KCNIP1: variants seen among roughly 807,000 people sequenced by gnomAD.
The protein encoded by KCNIP1 is potassium voltage-gated channel interacting protein 1.
KCNIP1 carries 18 observed loss-of-function variants against 33.0 expected under a neutral mutation model. The observed-to-expected ratio is 0.55, with a 90% CI of 0.38 to 0.81. KCNIP1 has a LOEUF of 0.81. KCNIP1 is among the 30% of genes least tolerant of loss of function. The probability of loss-of-function intolerance (pLI) is 0.00; values close to 1 mark genes in which losing one functional copy is unlikely to be tolerated. For synonymous variants in KCNIP1, 93 were observed against 98.3 expected, an observed-to-expected ratio of 0.95 and a Z score of 0.32; for missense variants, 238 against 271.6, an observed-to-expected ratio of 0.88 and a Z score of 0.87.
At chr5:170,609,828 G>C (rs776074985) in intron 1 of KCNIP1, among the ~76,000 whole-genome samples, 1 of 152,282 alleles carries the variant, frequency 6.6e-6, no homozygotes, top group South Asian at 2.1e-4. Context: ...CTGCACTCCA[G>C]CCTGGATGAC....
At chr5:170,430,612 CTG>C (rs1561622174) in intron 1 of KCNIP1, among the ~76,000 whole-genome samples, 1 of 152,188 alleles carries the variant, frequency 6.6e-6, no homozygotes, top group Non-Finnish European at 1.5e-5. Context: ...AAACGTTCAT[CTG>C]TCCTCAAGGA....
rs533272981 is a variant in KCNIP1, at chr5:170,443,611, T to A, written c.88+89647T>A. Among the ~76,000 whole-genome samples the A allele has an allele frequency of 4.6e-5, 7 of 152,326 alleles. No individual in the cohort carries two copies. In the East Asian group the frequency reaches 1.4e-3, roughly 29 times the overall value. On this transcript the variant is annotated intron_variant, in intron 1 of 7. Transcript: ENST00000377360. ...AGCATAACTACATCAGAAAACTTGT[T>A]GTAATAGATTGAGTTCCTGCCACCA...
At chr5:170,687,185 A>AT (rs540360161) in intron 1 of KCNIP1, among the ~76,000 whole-genome samples, 24,183 of 145,780 alleles carry the variant, frequency 0.17, 2,990 homozygotes, top group African/African-American at 0.35. Context: ...ACCTGAGTAA[A>AT]TTTTTTTTTT....
intron 1 of KCNIP1, among the ~76,000 whole-genome samples, chr5:170,546,955 G>T (rs1274100695): frequency 6.6e-6 from 1 of 152,004 alleles, no homozygotes; most frequent in East Asian, 1.9e-4. Context: ...TCCTCTGTGA[G>T]GACCTGTTTT....
rs17649344 is a variant in KCNIP1, at chr5:170,421,056, T to A, written c.88+67092T>A. On this transcript the variant is annotated intron_variant, in intron 1 of 7. Transcript: ENST00000377360. ...TGAAAAACCACCTCGAAGGAAAGTA[T>A]CAGCATCAGGGACAATAGCACAGTG... Among the ~76,000 whole-genome samples the A allele has an allele frequency of 3.5e-3, 540 of 152,152 alleles. 2 individuals carry two copies. Among genetic ancestry groups the A allele is most frequent in the Non-Finnish European group, 5.4e-3 (370 of 67,994 alleles).
At chr5:170,734,934 C>T (rs941150925) in intron 7 of KCNIP1, among the ~76,000 whole-genome samples, 15 of 152,206 alleles carry the variant, frequency 9.9e-5, no homozygotes, top group African/African-American at 3.6e-4. Flanking sequence ...CCACCTCCAA[C>T]CTTGATTCCT....
intron 1 of KCNIP1, among the ~76,000 whole-genome samples, chr5:170,448,427 T>A (rs1000107995): frequency 6.6e-6 from 1 of 152,246 alleles, no homozygotes; most frequent in African/African-American, 2.4e-5. Context: ...ATTGCTGTGC[T>A]CCCTTTTCTC....
At chr5:170,694,556 G>C (rs1048266825) in intron 1 of KCNIP1, among the ~76,000 whole-genome samples, 1 of 152,120 alleles carries the variant, frequency 6.6e-6, no homozygotes, top group African/African-American at 2.4e-5. Flanking sequence ...CATGATTACA[G>C]TTCATATTTC....
intron 1 of KCNIP1, among the ~76,000 whole-genome samples, chr5:170,360,833 A>G (rs1763491798): frequency 6.6e-6 from 1 of 152,212 alleles, no homozygotes; most frequent in African/African-American, 2.4e-5. Flanking sequence ...CAGCCGAGGA[A>G]GGAAGGTTGA....
chr5:170,409,641 T>A (rs562771214), intron 1 of KCNIP1, among the ~76,000 whole-genome samples: 2 of 152,058 alleles, frequency 1.3e-5, no homozygotes, highest in Non-Finnish European at 2.9e-5. Context: ...CAGGCCAAGA[T>A]GACAAGGGGG....
intron 1 of KCNIP1, among the ~76,000 whole-genome samples, chr5:170,690,734 A>G (rs1227480824): frequency 6.6e-6 from 1 of 152,224 alleles, no homozygotes; most frequent in East Asian, 1.9e-4. Context: ...CTCTCTCACC[A>G]ACTTTAGAAT....
At chr5:170,561,401 G>A (rs1757029986) in intron 1 of KCNIP1, among the ~76,000 whole-genome samples, 1 of 152,222 alleles carries the variant, frequency 6.6e-6, no homozygotes, top group Non-Finnish European at 1.5e-5. Context: ...TCCGGAGGGG[G>A]AGGACTCTTG....
intron 1 of KCNIP1, among the ~76,000 whole-genome samples, chr5:170,593,189 A>G (rs991202689): frequency 6.6e-6 from 1 of 152,240 alleles, no homozygotes; most frequent in Non-Finnish European, 1.5e-5. Context: ...GTACGCGAGA[A>G]TAATGTGGTC....
chr5:170,365,752 T>C (rs1763643826), intron 1 of KCNIP1, among the ~76,000 whole-genome samples: 1 of 152,242 alleles, frequency 6.6e-6, no homozygotes, highest in African/African-American at 2.4e-5. Context: ...CCAAATTGTG[T>C]GACCTTGGGA....
chr5:170,393,915 T>C (rs1321286413), intron 1 of KCNIP1, among the ~76,000 whole-genome samples: 1 of 151,788 alleles, frequency 6.6e-6, no homozygotes, highest in Admixed American at 6.5e-5. Context: ...AGCCCTGCTG[T>C]CTGTCTGTGT....
intron 7 of KCNIP1, among the ~76,000 whole-genome samples, chr5:170,735,472 A>T (rs1764355213): frequency 6.6e-6 from 1 of 152,206 alleles, no homozygotes; most frequent in Non-Finnish European, 1.5e-5. Flanking sequence ...AAAGAGAAAA[A>T]ATATAATCAT....
intron 1 of KCNIP1, among the ~76,000 whole-genome samples, chr5:170,473,185 T>C (rs1187772375): frequency 6.6e-6 from 1 of 152,180 alleles, no homozygotes; most frequent in Non-Finnish European, 1.5e-5. Context: ...TCATTAGTGA[T>C]GTTGAGCATT....
chr5:170,364,533 C>T (rs1341745331), intron 1 of KCNIP1, among the ~76,000 whole-genome samples: 6 of 152,216 alleles, frequency 3.9e-5, no homozygotes, highest in Non-Finnish European at 8.8e-5. Flanking sequence ...AATGCAGACT[C>T]CTCTCAGTGG....
chr5:170,596,129 C>T (rs1758432491), intron 1 of KCNIP1, among the ~76,000 whole-genome samples: 1 of 152,172 alleles, frequency 6.6e-6, no homozygotes, highest in South Asian at 2.1e-4. Context: ...AAACAGCACA[C>T]AAAGTGTTTG....
Sources: allele counts gnomAD v4.1 joint callset (sites outside exome capture counted in the v4.1 genomes callset), GRCh38; gene constraint gnomAD v4.1.1; transcripts MANE v1.5; gene names NCBI Gene and HGNC (gene_info 2026-07-23, HGNC 2026-07-21).